The following ORC2 variants were observed in gnomAD, a reference collection of about 807,000 sequenced individuals.
ORC2 encodes the protein origin recognition complex subunit 2, also known as origin recognition complex protein 2 homolog.
A neutral mutation model predicts 77.7 loss-of-function variants in ORC2; 37 were observed. The ratio of observed to expected loss-of-function variants is 0.48; its 90% CI spans 0.37 to 0.63. ORC2 has a LOEUF of 0.63. ORC2 is among the 20% of genes least tolerant of loss of function. The pLI is 0.00. For missense variants in ORC2, 557 were observed against 661.9 expected (o/e 0.84, Z 1.74); for synonymous variants, 201 against 229.5 (o/e 0.88, Z 1.12).
In ORC2 at chr2:200,949,567, C is replaced by A. The variant is rs151234628; in HGVS notation, c.315G>T (p.Lys105Asn). The A allele has an allele frequency of 9.9e-5, 156 of 1,573,040 alleles. No individual in the cohort carries two copies. The highest frequency in any genetic ancestry group is 1.3e-4 in the Non-Finnish European group (149 of 1,145,792). ...YSFQNRKHSE[K>N]MAKLASELAK... ...AAAGCAACATACCTAATTTAGCCATCTTTTCAGAGTGTTTTCTATTCTGAA... is the reference window on the plus strand; with the variant it reads ...AAAGCAACATACCTAATTTAGCCATATTTTCAGAGTGTTTTCTATTCTGAA... The change falls in exon 5 of 18, where the codon AAG becomes AAT. Residue 105 changes from lysine (K) to asparagine (N), a missense_variant. Transcript: ENST00000234296.
At chr2:200,929,344 A>G (rs2040898318) in intron 11 of ORC2, among the ~76,000 whole-genome samples, 1 of 152,196 alleles carries the variant, frequency 6.6e-6, no homozygotes, top group Non-Finnish European at 1.5e-5. Context: ...CACATTGATT[A>G]TATTTGGGGA....
chr2:200,922,261 C>T (rs2040773696), intron 13 of ORC2, among the ~76,000 whole-genome samples: 1 of 149,602 alleles, frequency 6.7e-6, no homozygotes, highest in Non-Finnish European at 1.5e-5. Context: ...TCAAATACAG[C>T]AGAGATCAAG....
At chr2:200,957,117 A>T (rs1335268627) in intron 4 of ORC2, among the ~76,000 whole-genome samples, 1 of 152,212 alleles carries the variant, frequency 6.6e-6, no homozygotes, top group Non-Finnish European at 1.5e-5. Context: ...GCACATGTAT[A>T]CCTATGTAAC....
chr2:200,927,701 T>G (rs1306955243), intron 11 of ORC2, among the ~76,000 whole-genome samples: 2 of 150,580 alleles, frequency 1.3e-5, no homozygotes, highest in African/African-American at 4.9e-5. Flanking sequence ...AAAAAAAAAT[T>G]AACTAATTAA....
chr2:200,938,515 G>A (rs1377929927), intron 7 of ORC2, among the ~76,000 whole-genome samples: 1 of 152,108 alleles, frequency 6.6e-6, no homozygotes, highest in South Asian at 2.1e-4. Context: ...TTAAAAAATT[G>A]TAACTTTTTG....
chr2:200,953,106 C>G (rs1439344636), intron 4 of ORC2, among the ~76,000 whole-genome samples: 3 of 139,928 alleles, frequency 2.1e-5, no homozygotes, highest in Non-Finnish European at 4.6e-5. Flanking sequence ...GAGTGAGACC[C>G]TGTCTCAAAA....
intron 5 of ORC2, among the ~76,000 whole-genome samples, chr2:200,947,744 T>C (rs1013839808): frequency 1.3e-5 from 2 of 152,076 alleles, no homozygotes; most frequent in African/African-American, 2.4e-5. Flanking sequence ...TTTTTTGTTT[T>C]TGTTTTTTTG....
chr2:200,950,040 G>C (rs535768702), intron 4 of ORC2, among the ~76,000 whole-genome samples: 1 of 152,146 alleles, frequency 6.6e-6, no homozygotes, highest in African/African-American at 2.4e-5. Context: ...TTTTATGGTA[G>C]AAGCTTTCTT....
At chr2:200,924,399 T>C (rs1209891967) in intron 13 of ORC2, among the ~76,000 whole-genome samples, 1 of 151,318 alleles carries the variant, frequency 6.6e-6, no homozygotes, top group African/African-American at 2.4e-5. Context: ...AAAATGGGTG[T>C]AGGAGTGTGA....
Position 200,957,493 on chromosome 2 carries a change from A to AT in ORC2, c.145dup (p.Ile49AsnfsTer8). 1.2e-6 allele frequency: 2 copies of AT among 1,610,646 alleles called. No individual in the cohort carries two copies. Among genetic ancestry groups the AT allele is most frequent in the Admixed American group, 1.7e-5 (1 of 59,618 alleles). On this transcript the variant is annotated frameshift_variant, in exon 4 of 18. Transcript: ENST00000234296. LOFTEE classifies it high-confidence loss of function. ...CAAATCATATTCTGGCTTCTTTATT[A>AT]TTTTTTTGGGGTTGACCAAAAGCTG...
chr2:200,955,227 C>G (rs1479053804), intron 4 of ORC2, among the ~76,000 whole-genome samples: 1 of 152,074 alleles, frequency 6.6e-6, no homozygotes, highest in African/African-American at 2.4e-5. Context: ...CTTCTTAGGC[C>G]TGGCATAATA....
intron 12 of ORC2, among the ~76,000 whole-genome samples, chr2:200,926,454 A>C (rs1413504661): frequency 1.3e-5 from 2 of 152,206 alleles, no homozygotes; most frequent in Non-Finnish European, 1.5e-5. Flanking sequence ...TTTTTGCCTA[A>C]TAAAGCATTT....
In ORC2 at chr2:200,910,355, A is replaced by C. The variant is rs986215953; in HGVS notation, c.*946T>G. The C allele has an allele frequency of 6.6e-6, 1 of 152,178 alleles. No individual in the cohort carries two copies. The highest frequency in any genetic ancestry group is 6.5e-5 in the Admixed American group (1 of 15,282). The allele number at this position is 152,178 out of a possible 1,614,324, so 9.4% of individuals were successfully genotyped here. ...AGGTTTGAAATCATCACTTTAAGGA[A>C]AAAACTGAAATATCTTACAGTGAGT... On this transcript the variant is annotated 3_prime_UTR_variant, in exon 18 of 18. Coordinates refer to ENST00000234296, the MANE Select transcript of ORC2 (RefSeq NM_006190.5).
chr2:200,935,632 T>C (rs1408434382), intron 9 of ORC2, 67 bp downstream of exon 9: 1 of 1,094,654 alleles, frequency 9.1e-7, no homozygotes, highest in Non-Finnish European at 1.3e-6. Context: ...GTGGATCTCT[T>C]AGGGTAGCCT....
chr2:200,938,742 A>G (rs780980666), intron 7 of ORC2, among the ~76,000 whole-genome samples: 67 of 152,218 alleles, frequency 4.4e-4, no homozygotes, highest in Non-Finnish European at 8.8e-4. Flanking sequence ...TTTGATTTTA[A>G]GAATAGTACT....
chr2:200,920,360 C>T lies in ORC2; in HGVS notation c.1328G>A (p.Trp443Ter). 6.2e-7 allele frequency: 1 copy of T among 1,606,872 alleles called. No homozygotes were observed. ...GTATGTAGTAGTTTCATACCAGAGC[C>T]AGTTAAAAAGACTCTGCTTTGCATG... ...WDHAKQSLFN[W>*]LWYETTTYSP... The change falls in exon 15 of 18, where the codon TGG becomes TAG. Residue 443 changes from tryptophan (W) to a stop codon, truncating the protein, a stop_gained. Transcript: ENST00000234296. LOFTEE classifies it high-confidence loss of function.
intron 4 of ORC2, among the ~76,000 whole-genome samples, chr2:200,951,415 G>A (rs1238374320): frequency 6.6e-6 from 1 of 152,214 alleles, no homozygotes; most frequent in East Asian, 1.9e-4. Context: ...TATAGTTAGA[G>A]TATGTTGAGT....
In ORC2 at chr2:200,963,478, C is replaced by A; in HGVS notation, c.-60+12G>T. On this transcript the variant is annotated intron_variant, in intron 1 of 17. Transcript: ENST00000234296. The stretch of plus-strand genomic sequence containing the variant: ...AAAGGGAGGCAGGCTGCCCCGACAC[C>A]CCACTACTCACCGCTAGGTTTCCGT... 2.5e-6 allele frequency: 1 copy of A among 398,696 alleles called. No homozygotes were observed. The highest frequency in any genetic ancestry group is 3.6e-5 in the East Asian group (1 of 28,078). 24.7% of individuals were successfully genotyped at this position (398,696 alleles called of 1,614,324 possible). A position where few individuals can be genotyped will look rare whatever the true frequency, so the allele number is the denominator to read the frequency against.
chr2:200,954,479 T>C (rs547685615), intron 4 of ORC2, among the ~76,000 whole-genome samples: 1 of 152,206 alleles, frequency 6.6e-6, no homozygotes, highest in Non-Finnish European at 1.5e-5. Context: ...ACATTATTAA[T>C]TGCAAAAAGT....
Sources: gnomAD v4.1 joint callset for allele counts (sites outside exome capture counted in the v4.1 genomes callset) on GRCh38, gnomAD v4.1.1 for gene constraint, MANE v1.5 for transcripts, NCBI Gene and HGNC (gene_info 2026-07-23, HGNC 2026-07-21) for gene names.